The following NUS1 variants were observed in gnomAD, a reference collection of about 807,000 sequenced individuals.
NUS1 encodes the protein dehydrodolichyl diphosphate synthase complex subunit NUS1.
For missense variants in NUS1, 292 were observed against 382.9 expected (o/e 0.76, Z 1.98); for synonymous variants, 135 against 155.2 (o/e 0.87, Z 0.97).
chr6:117,688,456 T>C (rs970584005), intron 1 of NUS1, among the ~76,000 whole-genome samples: 3 of 152,090 alleles, frequency 2.0e-5, no homozygotes, highest in Admixed American at 6.5e-5. Context: ...GGACTTTTTT[T>C]TTTTTTAAAT....
chr6:117,684,647 C>T (rs901719935), intron 1 of NUS1, among the ~76,000 whole-genome samples: 1 of 152,186 alleles, frequency 6.6e-6, no homozygotes, highest in Non-Finnish European at 1.5e-5. Flanking sequence ...CCACAGGCCC[C>T]TTCATGTTAC....
At chr6:117,689,048 A>G (rs1773179790) in intron 1 of NUS1, among the ~76,000 whole-genome samples, 1 of 152,188 alleles carries the variant, frequency 6.6e-6, no homozygotes, top group Admixed American at 6.5e-5. Flanking sequence ...GGTGAAAAGA[A>G]GAAGAGGATT....
intron 3 of NUS1, among the ~76,000 whole-genome samples, chr6:117,698,841 A>T (rs778001540): frequency 2.5e-4 from 38 of 152,282 alleles, no homozygotes; most frequent in Admixed American, 1.1e-3. Context: ...TATCCCAGGG[A>T]TGCAAGGATG....
chr6:117,683,445 T>TA (rs1309886495), intron 1 of NUS1, among the ~76,000 whole-genome samples: 3 of 152,320 alleles, frequency 2.0e-5, no homozygotes, highest in South Asian at 4.1e-4. Context: ...GCTCCATAAA[T>TA]ATATGTTTTC....
chr6:117,690,655 C>T (rs1276120610), intron 1 of NUS1, among the ~76,000 whole-genome samples: 2 of 152,148 alleles, frequency 1.3e-5, no homozygotes, highest in African/African-American at 4.8e-5. Flanking sequence ...CCGAACTCAT[C>T]CTTTCCTTCA....
At chr6:117,676,204 GC>G in intron 1 of NUS1, 119 bp downstream of exon 1, 2 of 1,461,504 alleles carry the variant, frequency 1.4e-6, no homozygotes, top group Non-Finnish European at 1.8e-6. Context: ...CACAGCGCTA[GC>G]GCTTTCGAGG....
intron 1 of NUS1, among the ~76,000 whole-genome samples, chr6:117,679,230 A>G (rs1208744190): frequency 4.6e-5 from 7 of 152,210 alleles, no homozygotes; most frequent in African/African-American, 1.7e-4. Flanking sequence ...GGTTACCTCC[A>G]TATTTGTCTG....
At chr6:117,699,504 G>A (rs1029083352) in intron 3 of NUS1, among the ~76,000 whole-genome samples, 1 of 152,138 alleles carries the variant, frequency 6.6e-6, no homozygotes, top group Non-Finnish European at 1.5e-5. Context: ...GCCAAAAAAT[G>A]TAAGCCTATT....
At chr6:117,680,927 G>T (rs533119748) in intron 1 of NUS1, among the ~76,000 whole-genome samples, 1 of 152,132 alleles carries the variant, frequency 6.6e-6, no homozygotes, top group Non-Finnish European at 1.5e-5. Flanking sequence ...TTTGGGTACA[G>T]GTTTCTCACA....
At chr6:117,701,816 A>T (rs570954951) in intron 3 of NUS1, among the ~76,000 whole-genome samples, 2 of 152,138 alleles carry the variant, frequency 1.3e-5, no homozygotes, top group Middle Eastern at 6.8e-3. Context: ...GTTGTCTATA[A>T]ATAAAGATTA....
intron 4 of NUS1, among the ~76,000 whole-genome samples, chr6:117,704,064 A>G (rs1218086888): frequency 6.6e-6 from 1 of 152,182 alleles, no homozygotes; most frequent in Non-Finnish European, 1.5e-5. Flanking sequence ...GAAATAAGGA[A>G]CTAGCCACAC....
chr6:117,697,636 T>C (rs1434225047), intron 3 of NUS1, among the ~76,000 whole-genome samples: 1 of 151,862 alleles, frequency 6.6e-6, no homozygotes, highest in Non-Finnish European at 1.5e-5. Context: ...GCACCCAACA[T>C]TGGAGAACCC....
chr6:117,703,548 G>A, intron 3 of NUS1, 57 bp from the exon 4 acceptor site: 1 of 1,180,148 alleles, frequency 8.5e-7, no homozygotes, highest in Non-Finnish European at 1.3e-6. Context: ...GTTTCTGTGT[G>A]TGTGTGTGTG....
chr6:117,707,193 G>A lies in NUS1; in HGVS notation c.*178G>A, dbSNP rs928958510. 9 of 557,624 alleles carry A rather than the reference G, an allele frequency of 1.6e-5. No individual in the cohort carries two copies. Among genetic ancestry groups the A allele is most frequent in the East Asian group, 3.1e-5 (1 of 32,296 alleles). The allele number at this position is 557,624 out of a possible 1,614,324, so 34.5% of individuals were successfully genotyped here. A position where few individuals can be genotyped will look rare whatever the true frequency, so the allele number is the denominator to read the frequency against. Reference sequence around the variant, plus strand: ...TGAGTGTGTGTGTGTGCGTGTGCACGTGCACACATGTGCACGTTTGTATGT... The same window carrying A: ...TGAGTGTGTGTGTGTGCGTGTGCACATGCACACATGTGCACGTTTGTATGT... On this transcript the variant is annotated 3_prime_UTR_variant, in exon 5 of 5. Transcript: ENST00000368494.
intron 4 of NUS1, among the ~76,000 whole-genome samples, chr6:117,705,576 C>T (rs2498587): frequency 0.2 from 31,028 of 151,904 alleles, 3,456 homozygotes; most frequent in South Asian, 0.37. Context: ...GTACCCTCTA[C>T]GAGACTGAGC....
chr6:117,678,660 G>T (rs1582463161), intron 1 of NUS1, among the ~76,000 whole-genome samples: 1 of 149,176 alleles, frequency 6.7e-6, no homozygotes, highest in South Asian at 2.1e-4. Flanking sequence ...GCTTTATTTA[G>T]TGTTTCTTTT....
chr6:117,676,156 G>A, intron 1 of NUS1, 71 bp downstream of exon 1: 5 of 1,544,858 alleles, frequency 3.2e-6, no homozygotes, highest in Non-Finnish European at 4.4e-6. Context: ...CTGGCGGGTG[G>A]TGCCCATGGC....
chr6:117,696,111 G>A (rs1773316129), intron 3 of NUS1, among the ~76,000 whole-genome samples: 1 of 151,930 alleles, frequency 6.6e-6, no homozygotes, highest in African/African-American at 2.4e-5. Context: ...AAAGAATCAA[G>A]CAGAAATTCT....
intron 1 of NUS1, among the ~76,000 whole-genome samples, chr6:117,692,620 A>C (rs1008862339): frequency 6.6e-6 from 1 of 152,184 alleles, no homozygotes; most frequent in Non-Finnish European, 1.5e-5. Flanking sequence ...ATTTAATACA[A>C]GTAGTAAATC....
Sources: allele counts gnomAD v4.1 joint callset (sites outside exome capture counted in the v4.1 genomes callset), GRCh38; gene constraint gnomAD v4.1.1; transcripts MANE v1.5; gene names NCBI Gene and HGNC (gene_info 2026-07-23, HGNC 2026-07-21).